CLCF1: variants seen among roughly 807,000 people sequenced by gnomAD.
CLCF1 encodes the protein cardiotrophin-like cytokine factor 1.
A neutral mutation model predicts 21.2 loss-of-function variants in CLCF1; 10 were observed. That is an observed-to-expected ratio of 0.47 (90% CI 0.29 to 0.80). CLCF1 has a LOEUF of 0.80. CLCF1 is among the 30% of genes least tolerant of loss of function. CLCF1 has a pLI of 0.09. For missense variants in CLCF1, 240 were observed against 293.4 expected (o/e 0.82, Z 1.33); for synonymous variants, 115 against 120.5 (o/e 0.95, Z 0.30).
intron 2 of CLCF1, among the ~76,000 whole-genome samples, chr11:67,366,832 C>T (rs1259119192): frequency 6.6e-6 from 1 of 152,114 alleles, no homozygotes; most frequent in East Asian, 1.9e-4. Context: ...GCCGGTTCCC[C>T]ATGGTCCTCG....
At chr11:67,370,526 C>G in intron 1 of CLCF1, 1 of 985,190 alleles carries the variant, frequency 1.0e-6, no homozygotes, top group Non-Finnish European at 1.2e-6. Context: ...GTACAGCTCA[C>G]GTTTCCTGCA....
rs561162117 is a variant in CLCF1 at position 67,372,220 on chromosome 11, C to T, written c.16+1304G>A. Reference sequence around the variant, plus strand: ...GTGCCCCCCACCCCTAGCCTCTCTCCAAGGCTTAGCCTCCACCCGCCCGTC... The same window carrying T: ...GTGCCCCCCACCCCTAGCCTCTCTCTAAGGCTTAGCCTCCACCCGCCCGTC... On this transcript the variant is annotated intron_variant, in intron 1 of 2. Coordinates refer to ENST00000312438, the MANE Select transcript of CLCF1 (RefSeq NM_013246.3). This position sits in a 1 kb window ranked among gnomAD's most constrained non-coding sequence, Gnocchi z 5.9. Among the ~76,000 whole-genome samples the T allele has an allele frequency of 6.6e-6, 1 of 152,138 alleles. No individual in the cohort carries two copies. The highest frequency in any genetic ancestry group is 2.1e-4 in the South Asian group (1 of 4,806).
chr11:67,368,095 GCA>G (rs951966225), intron 1 of CLCF1: 3 of 985,244 alleles, frequency 3.0e-6, no homozygotes, highest in Non-Finnish European at 3.6e-6. Context: ...GGCAGGCTGA[GCA>G]CAGTCAGCCC....
chr11:67,368,835 G>A, intron 1 of CLCF1: 4 of 984,908 alleles, frequency 4.1e-6, no homozygotes, highest in Non-Finnish European at 4.8e-6. Flanking sequence ...GTTATGAAGA[G>A]CAGGGCTAGT....
chr11:67,369,145 G>A (rs188580137), intron 1 of CLCF1: 6 of 985,342 alleles, frequency 6.1e-6, no homozygotes, highest in East Asian at 1.1e-4. Context: ...TAATAACTAG[G>A]AAGGATGCAA....
chr11:67,368,727 A>G (rs1862167625), intron 1 of CLCF1: 1 of 985,172 alleles, frequency 1.0e-6, no homozygotes, highest in Admixed American at 6.2e-5. Context: ...TTGAGGTTTG[A>G]GTCCAGCAAG....
Position 67,367,469 on chromosome 11 carries a change from A to G in CLCF1, c.174T>C (p.Ala58=), listed in dbSNP as rs541825951. ...TACGCTGGATACTCACATAGGTCCC[A>G]GCCAAGCTGCGGAGTTGGTGCTCCA... is the stretch of plus-strand genomic sequence containing the variant. The part of the protein sequence containing the change: ...RYLEHQLRSL[A]GTYLNYLGPP... Residue 58 remains alanine, a synonymous_variant, in exon 2 of 3, where the codon GCT becomes GCC. Transcript: ENST00000312438. 6.2e-7 allele frequency: 1 copy of G among 1,614,236 alleles called. No homozygotes were observed. The highest frequency in any genetic ancestry group is 1.1e-5 in the South Asian group (1 of 91,090).
chr11:67,370,283 G>C (rs1487160194), intron 1 of CLCF1: 3 of 985,192 alleles, frequency 3.0e-6, no homozygotes, highest in Admixed American at 6.1e-5. Flanking sequence ...CCTGAGGAGA[G>C]TGCGTGGTGG....
chr11:67,373,484 G>T, intron 1 of CLCF1, 40 bp downstream of exon 1: 3 of 1,105,060 alleles, frequency 2.7e-6, no homozygotes, highest in Non-Finnish European at 3.8e-6. Context: ...GTGGCTGCTT[G>T]GCGGGGCGGG....
At chr11:67,373,665 G>T (rs1368925128), upstream of CLCF1, 6 of 1,252,628 alleles carry the variant, frequency 4.8e-6, no homozygotes, top group East Asian at 1.6e-4. Context: ...GGTTTTTTTC[G>T]CTCGGTTTCG....
At chr11:67,374,140 A>G (rs1862296902), upstream of CLCF1, 1 of 985,570 alleles carries the variant, frequency 1.0e-6, no homozygotes, top group Non-Finnish European at 1.2e-6. Context: ...GCAATGACAC[A>G]TTCTCCCAAA....
In CLCF1 at chr11:67,372,876, C is replaced by CT. The variant is rs1488635979; in HGVS notation, c.16+647dup. On this transcript the variant is annotated intron_variant, in intron 1 of 2. Coordinates refer to ENST00000312438, the MANE Select transcript of CLCF1 (RefSeq NM_013246.3). This position sits in a 1 kb window ranked among gnomAD's most constrained non-coding sequence, Gnocchi z 5.9. ...GCCCGCCGCCCCTACCTGCCGCCGG[C>CT]TCCCCGGCCGTGGGCACCATGGAGG... Among the ~76,000 whole-genome samples, 13 of 150,540 alleles carry CT rather than the reference C, an allele frequency of 8.6e-5. No homozygotes were observed. In the East Asian group the frequency reaches 1.8e-3, roughly 21 times the overall value.
In CLCF1 at chr11:67,365,612, G is replaced by T; in HGVS notation, c.202C>A (p.Pro68Thr). ...GGGTTGAAGTCTGGCTCGTTGAAAG[G>T]GGGGCCCAGGTAGTTCAGCTGTGAA... is the stretch of plus-strand genomic sequence containing the variant. ...AGTYLNYLGP[P>T]FNEPDFNPPR... The change falls in exon 3 of 3, where the codon CCT becomes ACT. Residue 68 changes from proline (P) to threonine (T), a missense_variant. Transcript: ENST00000312438. The surrounding 1 kb of genome is among the most constrained non-coding windows in gnomAD (Gnocchi z 5.0). 6.2e-7 allele frequency: 1 copy of T among 1,611,958 alleles called. No homozygotes were observed. Among genetic ancestry groups the T allele is most frequent in the Non-Finnish European group, 8.5e-7 (1 of 1,178,286 alleles).
chr11:67,373,567 G>C lies in CLCF1; in HGVS notation c.-28C>G, dbSNP rs1862283958. On this transcript the variant is annotated 5_prime_UTR_variant, in exon 1 of 3. Coordinates refer to ENST00000312438, the MANE Select transcript of CLCF1 (RefSeq NM_013246.3). ...GGCTGGGGCCGGGCCGGCCGGGTGC[G>C]GCTCCTCTCCCGGAGGCTGGCGGAG... 2.2e-6 allele frequency: 3 copies of C among 1,367,466 alleles called. No homozygotes were observed. The highest frequency in any genetic ancestry group is 2.8e-6 in the Non-Finnish European group (3 of 1,059,848). 84.7% of individuals were successfully genotyped at this position (1,367,466 alleles called of 1,614,324 possible).
chr11:67,369,286 G>T (rs1352933970), intron 1 of CLCF1: 5 of 985,242 alleles, frequency 5.1e-6, no homozygotes, highest in Non-Finnish European at 6.0e-6. Context: ...CGTGGCGGTG[G>T]GGTACCACAA....
intron 1 of CLCF1, 157 bp from the exon 2 acceptor site, chr11:67,367,783 C>T (rs1211190257): frequency 6.1e-6 from 6 of 985,284 alleles, no homozygotes; most frequent in Non-Finnish European, 7.2e-6. Context: ...GGGAAACACT[C>T]CTGGCAAGAC....
At chr11:67,374,111 T>C (rs1862296365), upstream of CLCF1, 1 of 985,580 alleles carries the variant, frequency 1.0e-6, no homozygotes. Flanking sequence ...CCTTCCCTCC[T>C]CCTCCCCCTT....
rs982233902 is a variant in CLCF1, at chr11:67,367,484, T to G, written c.159A>C (p.Gln53His). The G allele has an allele frequency of 1.9e-6, 3 of 1,614,114 alleles. No homozygotes were observed. Among genetic ancestry groups the G allele is most frequent in the Non-Finnish European group, 2.5e-6 (3 of 1,179,990 alleles). ...CATAGGTCCCAGCCAAGCTGCGGAG[T>G]TGGTGCTCCAGGTAGCGGGTGAGGT... ...TYDLTRYLEH[Q>H]LRSLAGTYLN... Residue 53 changes from glutamine to histidine, a missense_variant, in exon 2 of 3, where the codon CAA (glutamine) becomes CAC (histidine). Transcript: ENST00000312438.
At position 67,367,512 on chromosome 11, in the gene CLCF1, T is replaced by C. The variant is rs1324011766; in HGVS notation, c.131A>G (p.Tyr44Cys). Residue 44 changes from tyrosine to cysteine, a missense_variant, in exon 2 of 3, where the codon TAT (tyrosine) becomes TGT (cysteine). Physicochemically the swap from Tyr to Cys is radical, Grantham distance 194. Coordinates refer to ENST00000312438, the MANE Select transcript of CLCF1 (RefSeq NM_013246.3). Reference protein sequence around the residue: ...PGPGPSIQKTYDLTRYLEHQL... With the variant: ...PGPGPSIQKTCDLTRYLEHQL... ...GTGCTCCAGGTAGCGGGTGAGGTCATAGGTTTTCTGGATGGAGGGGCCAGG... is the reference window on the plus strand; with the variant it reads ...GTGCTCCAGGTAGCGGGTGAGGTCACAGGTTTTCTGGATGGAGGGGCCAGG... The C allele has an allele frequency of 1.9e-6, 3 of 1,614,080 alleles. No individual in the cohort carries two copies. The highest frequency in any genetic ancestry group is 2.7e-5 in the African/African-American group (2 of 74,928).
Sources: allele counts gnomAD v4.1 joint callset (sites outside exome capture counted in the v4.1 genomes callset), GRCh38; gene constraint gnomAD v4.1.1; non-coding constraint Gnocchi (gnomAD v3.1); transcripts MANE v1.5; gene names NCBI Gene and HGNC (gene_info 2026-07-23, HGNC 2026-07-21).